PBK: variants seen among roughly 807,000 people sequenced by gnomAD.
The protein encoded by PBK is lymphokine-activated killer T-cell-originated protein kinase.
Under a neutral mutation model 33.5 loss-of-function variants are expected in PBK, and 22 were observed. The ratio of observed to expected loss-of-function variants is 0.66; its 90% confidence interval spans 0.47 to 0.94. PBK has a LOEUF of 0.94. Ranked by LOEUF, PBK falls within the 40% of genes least tolerant of loss-of-function variation. The pLI, the probability that PBK is intolerant of heterozygous loss-of-function variation, is 0.00. For missense variants in PBK, 376 were observed against 383.4 expected (o/e 0.98, Z 0.16); for synonymous variants, 129 against 123.8 (o/e 1.04, Z -0.28).
rs1477403397 is a variant in PBK, at chr8:27,820,592, A to T, written c.568T>A (p.Ser190Thr). ...ETIKICDVGV[S>T]LPLDENMTVT... ...GTCATATTTTCATCCAGTGGTAGAGAGACTCCTACATCACAGATTTTAATT... is the reference window on the plus strand; with the variant it reads ...GTCATATTTTCATCCAGTGGTAGAGTGACTCCTACATCACAGATTTTAATT... The change falls in exon 6 of 8, where the codon TCT (serine) becomes ACT (threonine). Residue 190 changes from serine to threonine, a missense_variant. Physicochemically the swap from Ser to Thr is moderately conservative, Grantham distance 58 (BLOSUM62 1). Transcript: ENST00000301905. 1 of 1,578,270 alleles carries T rather than the reference A, an allele frequency of 6.3e-7. No individual in the cohort carries two copies. The highest frequency in any genetic ancestry group is 8.7e-7 in the Non-Finnish European group (1 of 1,151,898).
Position 27,837,792 on chromosome 8 carries a change from T to C in PBK, c.-161A>G, listed in dbSNP as rs1021717941. ...CAACACATACGCCCGGCAGCTGCCG[T>C]TGCAATTCGAACCCTCCTGGCTTTC... is the stretch of plus-strand genomic sequence containing the variant. On this transcript the variant is annotated 5_prime_UTR_variant, in exon 1 of 8. Coordinates refer to ENST00000301905, the MANE Select transcript of PBK (RefSeq NM_018492.4). 1.3e-5 allele frequency: 2 copies of C among 152,154 alleles called. No individual in the cohort carries two copies. The highest frequency in any genetic ancestry group is 2.9e-5 in the Non-Finnish European group (2 of 68,048). The allele number at this position is 152,154 out of a possible 1,614,324, so 9.4% of individuals were successfully genotyped here.
rs1563489324 is a variant in PBK, at chr8:27,816,359, T to TATATA, written c.595+4205_595+4206insTATAT. Among the ~76,000 whole-genome samples, 767 of 126,674 alleles carry TATATA rather than the reference T, an allele frequency of 6.1e-3. 16 individuals are homozygous for TATATA. Among genetic ancestry groups the TATATA allele is most frequent in the African/African-American group, 0.022 (713 of 31,694 alleles). The allele number at this position is 126,674 out of a possible 152,430, so 83.1% of individuals were successfully genotyped here. A position where few individuals can be genotyped will look rare whatever the true frequency, so the allele number is the denominator to read the frequency against. On this transcript the variant is annotated intron_variant, in intron 6 of 7. Transcript: ENST00000301905. ...CATCGAATACTATATATATATATAT[T>TATATA]TATTTATTTATTTATTTATTTTAAT...
intron 6 of PBK, among the ~76,000 whole-genome samples, chr8:27,812,840 G>A (rs536925982): frequency 3.3e-4 from 50 of 152,144 alleles, no homozygotes; most frequent in Non-Finnish European, 6.8e-4. Flanking sequence ...GAGAGGATGT[G>A]GAGAAATAGG....
chr8:27,820,508 TA>T, intron 6 of PBK, 56 bp downstream of exon 6: 1 of 1,034,058 alleles, frequency 9.7e-7, no homozygotes, highest in Non-Finnish European at 1.4e-6. Flanking sequence ...CTTACGTATT[TA>T]AAAATGTAAA....
intron 3 of PBK, among the ~76,000 whole-genome samples, chr8:27,825,675 T>C (rs1806011678): frequency 6.6e-6 from 1 of 152,184 alleles, no homozygotes; most frequent in African/African-American, 2.4e-5. Context: ...CATGTGCATA[T>C]ACCTGTGTTA....
chr8:27,811,238 T>G, intron 6 of PBK, 104 bp from the exon 7 acceptor site: 8 of 915,416 alleles, frequency 8.7e-6, no homozygotes, highest in African/African-American at 1.6e-5. Context: ...GTTCACAGGT[T>G]AATCAGTGTA....
chr8:27,828,598 A>G (rs950778540), intron 2 of PBK, among the ~76,000 whole-genome samples: 3 of 146,406 alleles, frequency 2.0e-5, no homozygotes, highest in Admixed American at 2.0e-4. Flanking sequence ...CCATCTCTAC[A>G]CACGAAAAAA....
chr8:27,814,652 C>A (rs1563488599), intron 6 of PBK, among the ~76,000 whole-genome samples: 1 of 152,108 alleles, frequency 6.6e-6, no homozygotes, highest in Non-Finnish European at 1.5e-5. Context: ...CTATAGATTT[C>A]CCTCTGAGCC....
In PBK at chr8:27,822,177, A is replaced by G. The variant is rs1406836884; in HGVS notation, c.465+142T>C. 15 of 617,830 alleles carry G rather than the reference A, an allele frequency of 2.4e-5. No homozygotes were observed. The East Asian group carries it at 4.0e-4, about 16-fold the overall frequency. 38.3% of individuals were successfully genotyped at this position (617,830 alleles called of 1,614,324 possible). ...TTTGGAAGCAGAAATGTAAGCCTCT[A>G]TTTTGTTTTCCGCTAACCCCTTTTT... On this transcript the variant is annotated intron_variant, in intron 5 of 7. Coordinates refer to ENST00000301905, the MANE Select transcript of PBK (RefSeq NM_018492.4).
intron 6 of PBK, among the ~76,000 whole-genome samples, chr8:27,814,905 A>G (rs1392796344): frequency 6.6e-6 from 1 of 152,216 alleles, no homozygotes; most frequent in Non-Finnish European, 1.5e-5. Context: ...TACTTCTGCT[A>G]TAACTAGGAT....
At chr8:27,816,379 TTTAA>T (rs1563489369) in intron 6 of PBK, among the ~76,000 whole-genome samples, 2 of 41,732 alleles carry the variant, frequency 4.8e-5, no homozygotes, top group Admixed American at 3.1e-4. Context: ...ATTTATTTAT[TTTAA>T]TTTATTTTTT....
chr8:27,827,624 A>C (rs929524078), intron 3 of PBK, among the ~76,000 whole-genome samples: 1 of 152,234 alleles, frequency 6.6e-6, no homozygotes, highest in Non-Finnish European at 1.5e-5. Context: ...TTCTTAACAC[A>C]ATATTCCTAC....
chr8:27,831,016 A>G (rs1806119686), intron 2 of PBK, among the ~76,000 whole-genome samples: 1 of 152,182 alleles, frequency 6.6e-6, no homozygotes, highest in Non-Finnish European at 1.5e-5. Context: ...ATTCATCAAA[A>G]GAAATAACCA....
chr8:27,810,988 T>A lies in PBK; in HGVS notation c.742A>T (p.Ile248Phe), dbSNP rs748580344. The change falls in exon 7 of 8, where the codon ATT (isoleucine) becomes TTT (phenylalanine). Residue 248 changes from isoleucine (I) to phenylalanine (F), a missense_variant. Coordinates refer to ENST00000301905, the MANE Select transcript of PBK (RefSeq NM_018492.4). ...TCATCATCATCATTTGAAAGATTAATGTGTGGAATCGATAAAGTCATCATT... is the reference window on the plus strand; with the variant it reads ...TCATCATCATCATTTGAAAGATTAAAGTGTGGAATCGATAAAGTCATCATT... ...WEMMTLSIPH[I>F]NLSNDDDDED... 1 of 1,609,530 alleles carries A rather than the reference T, an allele frequency of 6.2e-7. No homozygotes were observed. The highest frequency in any genetic ancestry group is 8.5e-7 in the Non-Finnish European group (1 of 1,175,976).
intron 6 of PBK, chr8:27,812,078 C>A (rs981471846): frequency 1.3e-5 from 2 of 152,082 alleles, no homozygotes; most frequent in Admixed American, 1.3e-4. Flanking sequence ...CATTTTCTTG[C>A]CTTATTTTAG....
chr8:27,826,881 A>G (rs185723727), intron 3 of PBK, among the ~76,000 whole-genome samples: 34 of 147,636 alleles, frequency 2.3e-4, no homozygotes, highest in Admixed American at 6.2e-4. Flanking sequence ...AACACTTTAC[A>G]TTTAAAAACT....
At chr8:27,831,242 A>G (rs1806123681) in intron 2 of PBK, among the ~76,000 whole-genome samples, 1 of 151,776 alleles carries the variant, frequency 6.6e-6, no homozygotes, top group African/African-American at 2.4e-5. Flanking sequence ...AATCCCAGCT[A>G]CTCCAGAGGC....
chr8:27,821,047 C>T (rs7357600), intron 5 of PBK, among the ~76,000 whole-genome samples: 23,810 of 151,582 alleles, frequency 0.16, 2,372 homozygotes, highest in East Asian at 0.37. Context: ...TGGTCTGTCT[C>T]GAACTCCTGG....
intron 6 of PBK, chr8:27,812,624 G>GAAAAAAAAAAAAAAAAAAAA (rs34477454): frequency 8.0e-6 from 1 of 124,632 alleles, no homozygotes; most frequent in Admixed American, 8.0e-5. Flanking sequence ...AAATTTACAA[G>GAAAAAAAAAAAAAAAAAAAA]AAAAAAAAAA....
Sources: gnomAD v4.1 joint callset for allele counts (sites outside exome capture counted in the v4.1 genomes callset) on GRCh38, gnomAD v4.1.1 for gene constraint, MANE v1.5 for transcripts, NCBI Gene and HGNC (gene_info 2026-07-23, HGNC 2026-07-21) for gene names.